The following PTPN5 variants were observed in gnomAD, a reference collection of about 807,000 sequenced individuals.
PTPN5 encodes protein tyrosine phosphatase non-receptor type 5.
In PTPN5, 29 loss-of-function variants were observed where a neutral mutation model predicts 73.9. That is an observed-to-expected ratio of 0.39 (90% confidence interval 0.29 to 0.54). PTPN5 has a LOEUF of 0.54. Among genes scored for constraint, PTPN5 ranks in the 20% least tolerant of loss-of-function variants. The pLI is 0.65. For missense variants in PTPN5, 652 were observed against 751.4 expected, an observed-to-expected ratio of 0.87 and a Z score of 1.55; for synonymous variants, 267 against 304.7, an observed-to-expected ratio of 0.88 and a Z score of 1.29.
At chr11:18,756,904 A>G (rs1296174403) in intron 3 of PTPN5, among the ~76,000 whole-genome samples, 1 of 149,094 alleles carries the variant, frequency 6.7e-6, no homozygotes, top group African/African-American at 2.5e-5. Flanking sequence ...AGCCTGAGTG[A>G]CAGAGCAAGA....
chr11:18,732,851 A>T, intron 11 of PTPN5, 149 bp from the exon 12 acceptor site: 2 of 669,738 alleles, frequency 3.0e-6, no homozygotes, highest in Non-Finnish European at 5.1e-6. Flanking sequence ...AAACTCTATA[A>T]GCTACTTCCG....
At chr11:18,772,356 C>T (rs116830062) in intron 1 of PTPN5, among the ~76,000 whole-genome samples, 37 of 152,316 alleles carry the variant, frequency 2.4e-4, no homozygotes, top group African/African-American at 8.4e-4. Flanking sequence ...GCAGCAAACT[C>T]GTGGAATGAA....
Position 18,729,130 on chromosome 11 carries a change from CT to C in PTPN5, c.1605-104del. On this transcript the variant is annotated intron_variant, in intron 14 of 14. Transcript: ENST00000358540. The surrounding 1 kb of genome is among the most constrained non-coding windows in gnomAD (Gnocchi z 5.2). ...AGCAATCACTTGCCAGGCCTTGCCC[CT>C]GTGCGTCTTGGAGAGACCAACCCTT... 1 of 1,263,556 alleles carries C rather than the reference CT, an allele frequency of 7.9e-7. No individual in the cohort carries two copies. Among genetic ancestry groups the C allele is most frequent in the Non-Finnish European group, 1.1e-6 (1 of 890,560 alleles). 78.3% of individuals were successfully genotyped at this position (1,263,556 alleles called of 1,614,324 possible).
At chr11:18,777,023 T>C (rs1851190060) in intron 1 of PTPN5, among the ~76,000 whole-genome samples, 1 of 152,042 alleles carries the variant, frequency 6.6e-6, no homozygotes, top group African/African-American at 2.4e-5. Flanking sequence ...TAGCCGGGCG[T>C]GGTGGCGGGC....
At chr11:18,789,852 G>A (rs762916662) in intron 1 of PTPN5, among the ~76,000 whole-genome samples, 4 of 152,112 alleles carry the variant, frequency 2.6e-5, no homozygotes, top group African/African-American at 4.8e-5. Context: ...TGTATACTCT[G>A]GGTGATGGGT....
At chr11:18,788,085 CTTA>C (rs2134378126) in intron 1 of PTPN5, among the ~76,000 whole-genome samples, 1 of 152,302 alleles carries the variant, frequency 6.6e-6, no homozygotes, top group South Asian at 2.1e-4. Context: ...CTTGCCATCA[CTTA>C]TTCTTCCCTC....
chr11:18,748,025 T>C (rs1271315320), intron 3 of PTPN5, among the ~76,000 whole-genome samples: 1 of 152,202 alleles, frequency 6.6e-6, no homozygotes, highest in African/African-American at 2.4e-5. Context: ...TAGATAAATA[T>C]ATATGTGTGT....
chr11:18,754,836 A>C (rs916515946), intron 3 of PTPN5, among the ~76,000 whole-genome samples: 1 of 152,200 alleles, frequency 6.6e-6, no homozygotes, highest in Non-Finnish European at 1.5e-5. Context: ...GTACGTAGGC[A>C]TATCCTGAGA....
At chr11:18,772,998 G>A (rs1850976527) in intron 1 of PTPN5, among the ~76,000 whole-genome samples, 1 of 151,454 alleles carries the variant, frequency 6.6e-6, no homozygotes, top group African/African-American at 2.4e-5. Context: ...GAGGCCGTGG[G>A]ATGAGACAGG....
At chr11:18,763,960 C>T (rs1459723871) in intron 3 of PTPN5, among the ~76,000 whole-genome samples, 1 of 152,212 alleles carries the variant, frequency 6.6e-6, no homozygotes, top group Non-Finnish European at 1.5e-5. Flanking sequence ...ACTCTCTGGA[C>T]TCCTATTCAT....
At chr11:18,770,028 G>C (rs1355881411) in intron 2 of PTPN5, among the ~76,000 whole-genome samples, 1 of 152,128 alleles carries the variant, frequency 6.6e-6, no homozygotes, top group Non-Finnish European at 1.5e-5. Flanking sequence ...GTCTGGCTGG[G>C]TAGGTCTGTA....
At chr11:18,753,046 A>G (rs184951438) in intron 3 of PTPN5, among the ~76,000 whole-genome samples, 1 of 152,350 alleles carries the variant, frequency 6.6e-6, no homozygotes, top group East Asian at 1.9e-4. Context: ...GGATATCTGG[A>G]AAGTCTAAGG....
At chr11:18,730,963 A>G (rs1358353914) in intron 12 of PTPN5, among the ~76,000 whole-genome samples, 1 of 152,028 alleles carries the variant, frequency 6.6e-6, no homozygotes, top group Non-Finnish European at 1.5e-5. Flanking sequence ...CAAGTGTTCC[A>G]TCTTCCATGT....
rs763545639 is a variant in PTPN5 at position 18,737,938 on chromosome 11, C to T, written c.942G>A (p.Pro314=). 15 of 1,614,032 alleles carry T rather than the reference C, an allele frequency of 9.3e-6. No individual in the cohort carries two copies. The highest frequency in any genetic ancestry group is 5.0e-5 in the Admixed American group (3 of 60,002). The stretch of plus-strand genomic sequence containing the variant: ...CCAGCCCAGGGATGTCGTACTCTTT[C>T]GGATCCACAAAGTTCATGGGGATTT... ...FFEIPMNFVD[P]KEYDIPGLVR... The change falls in exon 9 of 15, where the codon CCG becomes CCA. Residue 314 remains proline, a synonymous_variant. Transcript: ENST00000358540.
At chr11:18,743,895 G>A (rs951878057) in intron 4 of PTPN5, 111 bp downstream of exon 4, 121 of 1,278,042 alleles carry the variant, frequency 9.5e-5, no homozygotes, top group Non-Finnish European at 1.1e-4. Context: ...GGAACACCAG[G>A]GAGGCCCCTT....
intron 2 of PTPN5, among the ~76,000 whole-genome samples, chr11:18,767,511 G>A (rs1304469307): frequency 6.6e-6 from 1 of 152,126 alleles, no homozygotes; most frequent in Non-Finnish European, 1.5e-5. Context: ...CTAGATTGCT[G>A]TGGCAATATT....
chr11:18,757,918 G>A (rs1342646463), intron 3 of PTPN5, among the ~76,000 whole-genome samples: 2 of 152,196 alleles, frequency 1.3e-5, no homozygotes, highest in East Asian at 1.9e-4. Context: ...AATGTTAGGG[G>A]TGGGACTGCA....
At chr11:18,772,208 T>G (rs1850936103) in intron 1 of PTPN5, 137 bp from the exon 2 acceptor site, 1 of 526,502 alleles carries the variant, frequency 1.9e-6, no homozygotes, top group East Asian at 3.5e-5. Flanking sequence ...CCTGCTTGCC[T>G]CTTGCTACAC....
At chr11:18,752,894 T>C (rs79046856) in intron 3 of PTPN5, among the ~76,000 whole-genome samples, 2,629 of 152,314 alleles carry the variant, frequency 0.017, 43 homozygotes, top group Middle Eastern at 0.037. Context: ...AGCATCTTGC[T>C]CCATCCTCTC....
Sources: gnomAD v4.1 joint callset for allele counts (sites outside exome capture counted in the v4.1 genomes callset) on GRCh38, gnomAD v4.1.1 for gene constraint, Gnocchi (gnomAD v3.1) non-coding constraint, MANE v1.5 for transcripts, NCBI Gene and HGNC (gene_info 2026-07-23, HGNC 2026-07-21) for gene names.